MAP4K4: variants seen among roughly 807,000 people sequenced by gnomAD.
MAP4K4 encodes mitogen-activated protein kinase kinase kinase kinase 4.
MAP4K4 carries 38 observed loss-of-function variants against 189.6 expected under a neutral mutation model. The observed-to-expected ratio is 0.20, with a 90% CI of 0.15 to 0.26. The LOEUF (loss-of-function observed/expected upper bound fraction) is 0.26, where lower values mean the gene tolerates loss of function less well. Ranked by LOEUF, MAP4K4 falls within the 10% of genes least tolerant of loss-of-function variation. MAP4K4 has a pLI of 1.00. For missense variants in MAP4K4, 1,054 were observed against 1,726.9 expected (o/e 0.61, Z 6.91); for synonymous variants, 610 against 624.3 (o/e 0.98, Z 0.34).
chr2:101,859,278 G>C (rs904092231), intron 14 of MAP4K4, among the ~76,000 whole-genome samples, 196 bp downstream of exon 14: 1 of 152,194 alleles, frequency 6.6e-6, no homozygotes, highest in Non-Finnish European at 1.5e-5. Flanking sequence ...TCTTTAATAA[G>C]TTAATTGTTC....
chr2:101,781,475 C>T (rs2087417070), intron 2 of MAP4K4, among the ~76,000 whole-genome samples: 1 of 152,160 alleles, frequency 6.6e-6, no homozygotes, highest in South Asian at 2.1e-4. Context: ...GGTCGAGGGG[C>T]TGGCATCTGA....
chr2:101,784,304 GTGTGTT>G (rs2089520175), intron 2 of MAP4K4, among the ~76,000 whole-genome samples: 1 of 151,322 alleles, frequency 6.6e-6, no homozygotes, highest in East Asian at 1.9e-4. Context: ...GTGTGTGTGT[GTGTGTT>G]TTTAAACACC....
chr2:101,811,587 C>G (rs2095433797), intron 3 of MAP4K4, among the ~76,000 whole-genome samples: 3 of 152,072 alleles, frequency 2.0e-5, no homozygotes, highest in Admixed American at 2.0e-4. Context: ...TGTGCTCTGC[C>G]TGCCTCTGTA....
At chr2:101,752,426 C>G (rs950455385) in intron 2 of MAP4K4, among the ~76,000 whole-genome samples, 2 of 152,174 alleles carry the variant, frequency 1.3e-5, no homozygotes, top group African/African-American at 2.4e-5. Flanking sequence ...AGAATTGGTT[C>G]ATTCTTAGCT....
exon 33 of MAP4K4, chr2:101,892,927 G>T: frequency 2.2e-6 from 1 of 456,400 alleles, no homozygotes; most frequent in Non-Finnish European, 4.4e-6. Context: ...GTTCTGAGTG[G>T]AAATAACTGC....
At chr2:101,738,141 C>G (rs2061235410) in intron 2 of MAP4K4, among the ~76,000 whole-genome samples, 1 of 152,126 alleles carries the variant, frequency 6.6e-6, no homozygotes, top group Non-Finnish European at 1.5e-5. Flanking sequence ...CGCTACATCC[C>G]CAAGAAGAGA....
chr2:101,712,020 T>A (rs1282462001), intron 2 of MAP4K4, among the ~76,000 whole-genome samples: 1 of 151,000 alleles, frequency 6.6e-6, no homozygotes, highest in Admixed American at 6.6e-5. Context: ...TGCTGACTTA[T>A]TACCTATAAC....
chr2:101,777,334 T>G (rs1410774545), intron 2 of MAP4K4, among the ~76,000 whole-genome samples: 1 of 152,082 alleles, frequency 6.6e-6, no homozygotes, highest in Non-Finnish European at 1.5e-5. Context: ...TGGGTGTGCT[T>G]TGGGCACTGT....
chr2:101,891,549 C>G, exon 33 of MAP4K4: 1 of 218,808 alleles, frequency 4.6e-6, no homozygotes, highest in African/African-American at 2.3e-5. Context: ...AAAGCAAACA[C>G]CTTTCCTCCA....
At position 101,860,051 on chromosome 2, in the gene MAP4K4, AGTGC is replaced by A. The variant is rs369515994; in HGVS notation, c.1704+188_1704+191del. ...CTTGCCCAAGGTTTCATATTCAGTC[AGTGC>A]TTTTTCCATAAAGGACCAGAGTGCC... On this transcript the variant is annotated intron_variant, in intron 15 of 32. Transcript: ENST00000324219. 1.2e-3 allele frequency: 745 copies of A among 638,946 alleles called. 3 individuals are homozygous for A. In the African/African-American group the frequency reaches 0.012, roughly 10 times the overall value. 39.6% of individuals were successfully genotyped at this position (638,946 alleles called of 1,614,324 possible). A position where few individuals can be genotyped will look rare whatever the true frequency, so the allele number is the denominator to read the frequency against.
exon 33 of MAP4K4, chr2:101,892,478 C>T (rs936305908): frequency 2.8e-5 from 5 of 177,804 alleles, no homozygotes; most frequent in Non-Finnish European, 6.0e-5. Context: ...GCCCATGACA[C>T]AAGATCTCAT....
chr2:101,873,736 A>G (rs1228136523), exon 25 of MAP4K4: 2 of 1,609,982 alleles, frequency 1.2e-6, no homozygotes, highest in Non-Finnish European at 1.7e-6. Flanking sequence ...AGATTTCTCC[A>G]TCTAGCGGAA....
At chr2:101,753,048 C>T (rs570782889) in intron 2 of MAP4K4, among the ~76,000 whole-genome samples, 32 of 152,218 alleles carry the variant, frequency 2.1e-4, no homozygotes, top group Non-Finnish European at 4.4e-4. Flanking sequence ...GTGTTTTATT[C>T]ACTCCAGGAG....
chr2:101,773,183 G>A (rs571880224), intron 2 of MAP4K4, among the ~76,000 whole-genome samples: 4 of 152,180 alleles, frequency 2.6e-5, no homozygotes, highest in Non-Finnish European at 5.9e-5. Flanking sequence ...TTCTGGTTTT[G>A]ATGTTTTCCC....
chr2:101,746,770 A>G (rs1255722073), intron 2 of MAP4K4, among the ~76,000 whole-genome samples: 1 of 152,074 alleles, frequency 6.6e-6, no homozygotes, highest in African/African-American at 2.4e-5. Context: ...TGTTTCCTTA[A>G]GTTTGTTTTT....
At chr2:101,827,377 A>C (rs1362453377) in intron 5 of MAP4K4, among the ~76,000 whole-genome samples, 3 of 152,122 alleles carry the variant, frequency 2.0e-5, no homozygotes, top group Non-Finnish European at 4.4e-5. Context: ...TGCAGTAAGT[A>C]GTGTGTGTTC....
intron 2 of MAP4K4, among the ~76,000 whole-genome samples, chr2:101,756,777 G>GGGT (rs1339867570): frequency 6.7e-6 from 1 of 148,702 alleles, no homozygotes; most frequent in Non-Finnish European, 1.5e-5. Flanking sequence ...ATGTTGTCCA[G>GGGT]GGTGGTCATG....
At chr2:101,797,095 G>A (rs1202439499) in intron 3 of MAP4K4, 2 of 552,804 alleles carry the variant, frequency 3.6e-6, no homozygotes, top group African/African-American at 2.0e-5. Context: ...ATAACACAAG[G>A]CCATATAACA....
chr2:101,706,187 A>T (rs1048306542), intron 2 of MAP4K4, among the ~76,000 whole-genome samples: 1 of 152,154 alleles, frequency 6.6e-6, no homozygotes, highest in Non-Finnish European at 1.5e-5. Context: ...TCTGAAATTT[A>T]TTGCTATATT....
Sources: gnomAD v4.1 joint callset for allele counts (sites outside exome capture counted in the v4.1 genomes callset) on GRCh38, gnomAD v4.1.1 for gene constraint, MANE v1.5 for transcripts, NCBI Gene and HGNC (gene_info 2026-07-23, HGNC 2026-07-21) for gene names.